QRICH2: variants seen among roughly 807,000 people sequenced by gnomAD.
QRICH2 encodes the protein glutamine rich 2.
A neutral mutation model predicts 168.3 loss-of-function variants in QRICH2; 119 were observed. The observed-to-expected ratio is 0.71, with a 90% CI of 0.61 to 0.82. The LOEUF is 0.82. QRICH2 is among the 40% of genes least tolerant of loss of function. The pLI, the probability that QRICH2 is intolerant of heterozygous loss-of-function variation, is 0.00. For synonymous variants in QRICH2, 894 were observed against 951.2 expected (o/e 0.94, Z 1.11); for missense variants, 2,241 against 2,491.6 (o/e 0.90, Z 2.14).
At chr17:76,301,817 T>C (rs2585749) in intron 3 of QRICH2, among the ~76,000 whole-genome samples, 79,168 of 148,372 alleles carry the variant, frequency 0.53, 23,570 homozygotes, top group African/African-American at 0.81. Flanking sequence ...ATTCTCCTGC[T>C]TCAGCCTCCC....
chr17:76,304,853 C>A (rs1272045351), intron 2 of QRICH2, 29 bp downstream of exon 2: 1 of 1,547,202 alleles, frequency 6.5e-7, no homozygotes, highest in Non-Finnish European at 8.9e-7. Context: ...CCCTGGAGAG[C>A]CCTTTCCCAT....
In QRICH2 at chr17:76,280,068, TGGG is replaced by T; in HGVS notation, c.4710_4712del (p.Pro1571del). 1 of 1,612,738 alleles carries T rather than the reference TGGG, an allele frequency of 6.2e-7. No individual in the cohort carries two copies. Among genetic ancestry groups the T allele is most frequent in the Non-Finnish European group, 8.5e-7 (1 of 1,179,768 alleles). On this transcript the variant is annotated inframe_deletion, in exon 12 of 19. Transcript: ENST00000680821. The surrounding 1 kb of genome is among the most constrained non-coding windows in gnomAD (Gnocchi z 7.4). ...CAGCCGCCTCGTCTGCCTGGTAGAGTGGGGGGCGCTCCCTGAGCTGCTGTCGCA... is the reference window on the plus strand; with the variant it reads ...CAGCCGCCTCGTCTGCCTGGTAGAGTGGGCGCTCCCTGAGCTGCTGTCGCA...
At chr17:76,308,506 T>C (rs2071025357), upstream of QRICH2, 2 of 985,348 alleles carry the variant, frequency 2.0e-6, no homozygotes, top group African/African-American at 3.5e-5. Flanking sequence ...ACTTGAGGGT[T>C]TCCTGGCAAC....
chr17:76,282,157 G>C, intron 7 of QRICH2, 42 bp from the exon 8 acceptor site: 1 of 1,566,582 alleles, frequency 6.4e-7, no homozygotes, highest in Non-Finnish European at 8.7e-7. Flanking sequence ...AGTGAGGCCA[G>C]TCACGGCCAC....
In QRICH2 at chr17:76,291,244, G is replaced by A. The variant is rs776658750; in HGVS notation, c.3483C>T (p.Val1161=). 9.3e-6 allele frequency: 15 copies of A among 1,614,082 alleles called. No individual in the cohort carries two copies. The South Asian group carries it at 1.2e-4, about 13-fold the overall frequency. Residue 1161 remains valine, a synonymous_variant, in exon 4 of 19, where the codon GTC becomes GTT. Transcript: ENST00000680821. ...DVTLFRSPDS[V]DRVLSEGSEV... The stretch of plus-strand genomic sequence containing the variant: ...CGCTCCCTTCTGATAAGACTCGGTC[G>A]ACGGAGTCTGGACTCCTGAAAAGAG...
rs1359839578 is a variant in QRICH2, at chr17:76,291,841, C to T, written c.2886G>A (p.Val962=). The T allele has an allele frequency of 6.2e-7, 1 of 1,614,078 alleles. No homozygotes were observed. Among genetic ancestry groups the T allele is most frequent in the Non-Finnish European group, 8.5e-7 (1 of 1,179,998 alleles). ...AACCATACTGATCCATTCCTGGCTG[C>T]ACCAGACCACGTGGATATGTCCCAG... The part of the protein sequence containing the change: ...SQSGTYPRGL[V]QPGMDQYGLR... Residue 962 remains valine, a synonymous_variant, in exon 4 of 19, where the codon GTG becomes GTA. Transcript: ENST00000680821.
Position 76,274,127 on chromosome 17 carries a change from C to G in QRICH2, c.5616G>C (p.Glu1872Asp). ...LERHVDMPPG[E>D]GLEEPTRGPR... ...GCCCCCGCGTGGGCTCCTCGAGCCC[C>G]TCCCCAGGAGGCATGTCCACGTGCC... Residue 1872 changes from glutamate to aspartate, a missense_variant, in exon 19 of 19, where the codon GAG (glutamate) becomes GAC (aspartate). This residue lies in a region of QRICH2 where 189 missense variants were observed against 169.3 expected (regional missense o/e 1.12). Transcript: ENST00000680821. 4 of 1,589,188 alleles carry G rather than the reference C, an allele frequency of 2.5e-6. No individual in the cohort carries two copies. The highest frequency in any genetic ancestry group is 1.1e-5 in the South Asian group (1 of 88,456).
intron 3 of QRICH2, among the ~76,000 whole-genome samples, chr17:76,303,551 A>G (rs1239367425): frequency 6.6e-6 from 1 of 152,168 alleles, no homozygotes; most frequent in Non-Finnish European, 1.5e-5. Context: ...GTCTCAAGAC[A>G]GACAGATGCA....
intron 3 of QRICH2, among the ~76,000 whole-genome samples, chr17:76,297,954 C>A (rs1259496374): frequency 1.4e-5 from 2 of 142,914 alleles, no homozygotes; most frequent in African/African-American, 2.6e-5. Context: ...TCTCAGCTCA[C>A]TGAAACCTCC....
chr17:76,295,768 C>T (rs1958985760), intron 3 of QRICH2, among the ~76,000 whole-genome samples: 1 of 152,192 alleles, frequency 6.6e-6, no homozygotes, highest in Admixed American at 6.5e-5. Context: ...ATGGGGTCTG[C>T]AGCATCTTGA....
intron 7 of QRICH2, among the ~76,000 whole-genome samples, chr17:76,284,320 T>C (rs181620153): frequency 2.1e-5 from 3 of 142,528 alleles, no homozygotes; most frequent in East Asian, 1.9e-4. Flanking sequence ...TGACCAAGAA[T>C]TGCATTGCAA....
At chr17:76,305,283 C>G (rs1186721036) in intron 1 of QRICH2, among the ~76,000 whole-genome samples, 4 of 151,898 alleles carry the variant, frequency 2.6e-5, no homozygotes, top group Non-Finnish European at 4.4e-5. Context: ...CCCACCTCAG[C>G]CTCCTGAGTA....
chr17:76,303,949 TG>T (rs2070947611), intron 3 of QRICH2, among the ~76,000 whole-genome samples: 1 of 150,728 alleles, frequency 6.6e-6, no homozygotes, highest in African/African-American at 2.4e-5. Flanking sequence ...TCTGTCACCA[TG>T]GTCCACTAAT....
intron 3 of QRICH2, among the ~76,000 whole-genome samples, chr17:76,295,261 A>AAAAT (rs2070777751): frequency 6.6e-6 from 1 of 151,920 alleles, no homozygotes; most frequent in Non-Finnish European, 1.5e-5. Context: ...TCCATCTCAA[A>AAAAT]AAATAAATAA....
chr17:76,301,051 C>T (rs1159956210), intron 3 of QRICH2, among the ~76,000 whole-genome samples: 3 of 151,620 alleles, frequency 2.0e-5, no homozygotes, highest in Non-Finnish European at 2.9e-5. Context: ...AAGACTCTGT[C>T]TCAAAAATGC....
Position 76,307,560 on chromosome 17 carries a change from A to G in QRICH2, c.439T>C (p.Trp147Arg). Residue 147 changes from tryptophan to arginine, a missense_variant, in exon 1 of 19, where the codon TGG becomes CGG. Around this residue, in one of 3 missense-constraint regions of QRICH2, gnomAD observed 2,047 missense variants for 2,303.8 expected, o/e 0.89. Coordinates refer to ENST00000680821, the MANE Select transcript of QRICH2 (RefSeq NM_001388453.1). This position sits in a 1 kb window ranked among gnomAD's most constrained non-coding sequence, Gnocchi z 5.3. ...ASGLDLAALE[W>R]PEEQEVGVRA... ...ACGCCCACCTCCTGCTCCTCCGGCC[A>G]CTCTAGCGCGGCCAGGTCAAGCCCG... The G allele has an allele frequency of 6.3e-7, 1 of 1,582,096 alleles. No homozygotes were observed. The highest frequency in any genetic ancestry group is 8.6e-7 in the Non-Finnish European group (1 of 1,164,198).
At chr17:76,283,912 T>C (rs1204347101) in intron 7 of QRICH2, among the ~76,000 whole-genome samples, 1 of 135,210 alleles carries the variant, frequency 7.4e-6, no homozygotes, top group Non-Finnish European at 1.5e-5. Flanking sequence ...ATGCCTATAA[T>C]CCTAGCACTT....
At position 76,307,479 on chromosome 17, in the gene QRICH2, GCTC is replaced by G. The variant is rs1384843108; in HGVS notation, c.517_519del (p.Glu173del). ...TGCGTGCTCACCCTGGCAAAGCTGA[GCTC>G]CTCGGCGGCGTCCTTCATGATACTC... On this transcript the variant is annotated inframe_deletion, in exon 1 of 19. Transcript: ENST00000680821. This position sits in a 1 kb window ranked among gnomAD's most constrained non-coding sequence, Gnocchi z 5.3. 6.2e-7 allele frequency: 1 copy of G among 1,613,812 alleles called. No individual in the cohort carries two copies. Among genetic ancestry groups the G allele is most frequent in the Non-Finnish European group, 8.5e-7 (1 of 1,179,846 alleles).
At chr17:76,274,953 C>A (rs1016688458) in intron 18 of QRICH2, among the ~76,000 whole-genome samples, 7 of 152,202 alleles carry the variant, frequency 4.6e-5, no homozygotes, top group African/African-American at 1.4e-4. Flanking sequence ...CTGTGGGGGG[C>A]CCTGGATGAT....
Sources: gnomAD v4.1 joint callset for allele counts (sites outside exome capture counted in the v4.1 genomes callset) on GRCh38, gnomAD v4.1.1 for gene constraint, gnomAD v4.1.1 regional missense constraint, Gnocchi (gnomAD v3.1) non-coding constraint, MANE v1.5 for transcripts, NCBI Gene and HGNC (gene_info 2026-07-23, HGNC 2026-07-21) for gene names.